MBNL1: variants seen among roughly 807,000 people sequenced by gnomAD.
MBNL1 encodes the protein muscleblind like splicing regulator 1, also known as muscleblind-like protein 1.
MBNL1 carries 8 observed loss-of-function variants against 42.2 expected under a neutral mutation model. The observed-to-expected ratio is 0.19, with a 90% CI of 0.11 to 0.34. The LOEUF is 0.34. MBNL1 is among the 10% of genes least tolerant of loss of function. The probability of loss-of-function intolerance (pLI) is 1.00; values close to 1 mark genes in which losing one functional copy is unlikely to be tolerated. For missense variants in MBNL1, 309 were observed against 495.3 expected (o/e 0.62, Z 3.57); for synonymous variants, 169 against 173.9 (o/e 0.97, Z 0.22).
At chr3:152,345,373 T>TCTCTCC (rs2094072477) in intron 2 of MBNL1, among the ~76,000 whole-genome samples, 1 of 152,064 alleles carries the variant, frequency 6.6e-6, no homozygotes, top group African/African-American at 2.4e-5. Flanking sequence ...ATCAGTGGGA[T>TCTCTCC]CTCTCCCTGA....
chr3:152,388,224 G>A (rs73870001), intron 2 of MBNL1, among the ~76,000 whole-genome samples: 205 of 152,266 alleles, frequency 1.3e-3, no homozygotes, highest in African/African-American at 4.9e-3. Flanking sequence ...AGCTGGAGAA[G>A]GCATCTAGTT....
At chr3:152,262,636 C>G (rs1395308086) in intron 2 of MBNL1, 1 of 152,040 alleles carries the variant, frequency 6.6e-6, no homozygotes. Context: ...TATTTGTTTT[C>G]TATATGGAAC....
intron 2 of MBNL1, among the ~76,000 whole-genome samples, chr3:152,387,111 C>T (rs1012179454): frequency 6.6e-6 from 1 of 152,012 alleles, no homozygotes; most frequent in Admixed American, 6.6e-5. Flanking sequence ...ATGAATCTCT[C>T]AGGTAATTTT....
chr3:152,356,705 T>A (rs2095542772), intron 2 of MBNL1, among the ~76,000 whole-genome samples: 1 of 152,142 alleles, frequency 6.6e-6, no homozygotes, highest in Admixed American at 6.6e-5. Flanking sequence ...CCTGACCTCA[T>A]GATCTGCCCA....
At chr3:152,251,807 C>G (rs1389069722) in intron 2 of MBNL1, among the ~76,000 whole-genome samples, 2 of 152,000 alleles carry the variant, frequency 1.3e-5, no homozygotes, top group East Asian at 3.9e-4. Flanking sequence ...TCTGATTTCT[C>G]TATTGCATAA....
intron 2 of MBNL1, among the ~76,000 whole-genome samples, chr3:152,395,536 A>G (rs1297379393): frequency 6.6e-6 from 1 of 152,216 alleles, no homozygotes; most frequent in African/African-American, 2.4e-5. Flanking sequence ...TAGGTCCTAT[A>G]TAACCAGACA....
At chr3:152,304,819 G>T (rs2062240935) in intron 2 of MBNL1, among the ~76,000 whole-genome samples, 1 of 152,188 alleles carries the variant, frequency 6.6e-6, no homozygotes, top group African/African-American at 2.4e-5. Flanking sequence ...AGCTGCAGTT[G>T]CTTTGGTGAA....
At chr3:152,443,485 TACACAC>T (rs150370083) in intron 4 of MBNL1, among the ~76,000 whole-genome samples, 16 of 144,966 alleles carry the variant, frequency 1.1e-4, no homozygotes, top group African/African-American at 3.4e-4. Context: ...ATATTTAGCA[TACACAC>T]ACACACACAC....
intron 1 of MBNL1, among the ~76,000 whole-genome samples, chr3:152,273,261 T>C (rs2042967144): frequency 6.6e-6 from 1 of 152,238 alleles, no homozygotes; most frequent in South Asian, 2.1e-4. Flanking sequence ...TCTCTAGACA[T>C]ATTTTTTATT....
At chr3:152,459,386 G>GTT in intron 9 of MBNL1, 41 bp downstream of exon 9, 1 of 1,228,816 alleles carries the variant, frequency 8.1e-7, no homozygotes, top group South Asian at 1.6e-5. Context: ...ATTTGTGGTG[G>GTT]TTTTTTTTAA....
At chr3:152,298,986 G>A (rs2059724371) in intron 1 of MBNL1, 1 of 152,442 alleles carries the variant, frequency 6.6e-6, no homozygotes, top group East Asian at 1.9e-4. Flanking sequence ...TCCACTAACT[G>A]CATGTTGGGT....
chr3:152,449,558 A>G (rs1436629451), intron 6 of MBNL1, among the ~76,000 whole-genome samples: 1 of 152,154 alleles, frequency 6.6e-6, no homozygotes, highest in African/African-American at 2.4e-5. Context: ...GATGACCCTT[A>G]CTTGTGACAC....
chr3:152,458,144 C>T (rs377067697), intron 8 of MBNL1: 15 of 1,613,768 alleles, frequency 9.3e-6, no homozygotes, highest in Non-Finnish European at 1.3e-5. Flanking sequence ...ATCCTTGATG[C>T]TTCTACACTG....
intron 5 of MBNL1, among the ~76,000 whole-genome samples, chr3:152,445,753 C>T (rs550807001): frequency 6.6e-6 from 1 of 152,314 alleles, no homozygotes; most frequent in Admixed American, 6.5e-5. Context: ...CTTGGCCTAA[C>T]TCTTAATCTG....
intron 2 of MBNL1, among the ~76,000 whole-genome samples, chr3:152,373,678 C>CCT (rs2153276220): frequency 6.6e-6 from 1 of 152,208 alleles, no homozygotes; most frequent in Non-Finnish European, 1.5e-5. Context: ...GAGCCAGGTA[C>CCT]CTTAGTTGGA....
intron 5 of MBNL1, among the ~76,000 whole-genome samples, chr3:152,446,359 A>T (rs535380915): frequency 1.3e-5 from 2 of 151,982 alleles, no homozygotes; most frequent in Non-Finnish European, 2.9e-5. Context: ...CACGAGAGAG[A>T]TCTTTTCTGT....
chr3:152,338,714 A>G, intron 2 of MBNL1: 2 of 980,804 alleles, frequency 2.0e-6, no homozygotes, highest in South Asian at 4.7e-5. Context: ...CTAGAAGCTA[A>G]AAACAAAACC....
chr3:152,390,991 T>A (rs2097692904), intron 2 of MBNL1, among the ~76,000 whole-genome samples: 1 of 152,234 alleles, frequency 6.6e-6, no homozygotes. Flanking sequence ...ACAGCTATAC[T>A]CTACCTGTGT....
At chr3:152,252,278 C>T (rs966808383) in intron 2 of MBNL1, among the ~76,000 whole-genome samples, 2 of 145,686 alleles carry the variant, frequency 1.4e-5, no homozygotes, top group African/African-American at 5.0e-5. Flanking sequence ...CTCCCTTCCT[C>T]CCCTCCCTCC....
Sources: gnomAD v4.1 joint callset for allele counts (sites outside exome capture counted in the v4.1 genomes callset) on GRCh38, gnomAD v4.1.1 for gene constraint, MANE v1.5 for transcripts, NCBI Gene and HGNC (gene_info 2026-07-23, HGNC 2026-07-21) for gene names.